The following CCDC148 variants were observed in gnomAD, a reference collection of about 807,000 sequenced individuals.
CCDC148 encodes coiled-coil domain-containing protein 148.
In CCDC148, 89 loss-of-function variants were observed where a neutral mutation model predicts 85.7. The observed-to-expected ratio is 1.04, with a 90% confidence interval of 0.87 to 1.24. The LOEUF (loss-of-function observed/expected upper bound fraction) is 1.24, where lower values mean the gene tolerates loss of function less well. CCDC148 is among the 50% of genes most tolerant of loss of function. The probability of loss-of-function intolerance (pLI) is 0.00; values close to 1 mark genes in which losing one functional copy is unlikely to be tolerated. For missense variants in CCDC148, 692 were observed against 671.7 expected (o/e 1.03, Z -0.33); for synonymous variants, 230 against 213.9 (o/e 1.08, Z -0.66).
intron 7 of CCDC148, among the ~76,000 whole-genome samples, chr2:158,315,898 C>T (rs1692257462): frequency 6.6e-6 from 1 of 152,192 alleles, no homozygotes; most frequent in South Asian, 2.1e-4. Context: ...GATACCTTTG[C>T]ACTCTGGCCT....
chr2:158,346,895 G>T (rs1367893764), intron 2 of CCDC148, among the ~76,000 whole-genome samples: 1 of 151,938 alleles, frequency 6.6e-6, no homozygotes, highest in African/African-American at 2.4e-5. Context: ...AAAATTAGGG[G>T]TATAAGAAAA....
In CCDC148 at chr2:158,171,792, C is replaced by G. The variant is rs1031300792; in HGVS notation, c.*321G>C. On this transcript the variant is annotated 3_prime_UTR_variant, in exon 14 of 14. Coordinates refer to ENST00000283233, the MANE Select transcript of CCDC148 (RefSeq NM_138803.4). ...TAGCAGCTACATAATTTATAATTCT[C>G]ACAAAGTTATTTTGAGCTCTTTTTA... 2 of 163,678 alleles carry G rather than the reference C, an allele frequency of 1.2e-5. No individual in the cohort carries two copies. The highest frequency in any genetic ancestry group is 1.3e-4 in the Admixed American group (2 of 15,538). 10.1% of individuals were successfully genotyped at this position (163,678 alleles called of 1,614,324 possible). A position where few individuals can be genotyped will look rare whatever the true frequency, so the allele number is the denominator to read the frequency against.
At chr2:158,273,547 C>A (rs990229215) in intron 9 of CCDC148, among the ~76,000 whole-genome samples, 6 of 152,258 alleles carry the variant, frequency 3.9e-5, no homozygotes, top group African/African-American at 1.4e-4. Flanking sequence ...TCCTACTATG[C>A]ATCCACTAAA....
chr2:158,377,708 T>G (rs1298535832), intron 1 of CCDC148, among the ~76,000 whole-genome samples: 1 of 152,108 alleles, frequency 6.6e-6, no homozygotes, highest in African/African-American at 2.4e-5. Flanking sequence ...AGTGCTTGCT[T>G]CATGTCTCTG....
chr2:158,434,024 G>A (rs1687511596), intron 1 of CCDC148, among the ~76,000 whole-genome samples: 1 of 152,234 alleles, frequency 6.6e-6, no homozygotes. Flanking sequence ...GCCTGCCTCT[G>A]TAGACTCCAC....
chr2:158,262,030 A>C (rs6437160), intron 9 of CCDC148, among the ~76,000 whole-genome samples: 66,264 of 151,858 alleles, frequency 0.44, 14,928 homozygotes, highest in South Asian at 0.63. Context: ...AGAGGAATAT[A>C]AATCATTCCA....
intron 1 of CCDC148, among the ~76,000 whole-genome samples, chr2:158,389,555 T>A (rs1685221569): frequency 6.6e-6 from 1 of 152,206 alleles, no homozygotes; most frequent in Non-Finnish European, 1.5e-5. Context: ...CGTCACAAAC[T>A]AATTAAAGTA....
intron 1 of CCDC148, among the ~76,000 whole-genome samples, chr2:158,414,580 A>T (rs1686411128): frequency 8.0e-5 from 1 of 12,430 alleles, no homozygotes; most frequent in African/African-American, 9.9e-5. Context: ...TTAAAAGTAT[A>T]AAAAAAAAAG....
chr2:158,347,728 T>C (rs1683064245), intron 2 of CCDC148, among the ~76,000 whole-genome samples: 1 of 152,098 alleles, frequency 6.6e-6, no homozygotes. Flanking sequence ...TACCTTGAAA[T>C]ATTACAAAAG....
In CCDC148 at chr2:158,273,110, A is replaced by G. The variant is rs1349625880; in HGVS notation, c.1111-22198T>C. Reference sequence around the variant, plus strand: ...GCTATGAAAAAAGAACCAAGAAAGGATTTTCTTTCTGTGCTACAAATTATG... The same window carrying G: ...GCTATGAAAAAAGAACCAAGAAAGGGTTTTCTTTCTGTGCTACAAATTATG... On this transcript the variant is annotated intron_variant, in intron 9 of 13. Transcript: ENST00000283233. Among the ~76,000 whole-genome samples, 4 of 152,134 alleles carry G rather than the reference A, an allele frequency of 2.6e-5. No homozygotes were observed. The East Asian group carries it at 7.7e-4, about 29-fold the overall frequency.
At chr2:158,228,743 G>A (rs1301493956) in intron 10 of CCDC148, among the ~76,000 whole-genome samples, 1 of 147,304 alleles carries the variant, frequency 6.8e-6, no homozygotes, top group Non-Finnish European at 1.5e-5. Context: ...TCACTCATAG[G>A]TGGGAATTGA....
intron 11 of CCDC148, among the ~76,000 whole-genome samples, chr2:158,201,608 C>T (rs1685968170): frequency 6.6e-6 from 1 of 152,070 alleles, no homozygotes; most frequent in Non-Finnish European, 1.5e-5. Flanking sequence ...CACAGGGTTT[C>T]ACCATGTTGC....
At chr2:158,407,260 C>T (rs777867885) in intron 1 of CCDC148, among the ~76,000 whole-genome samples, 49 of 152,158 alleles carry the variant, frequency 3.2e-4, no homozygotes, top group Admixed American at 1.3e-4. Context: ...ATGCTGCCAG[C>T]TCTCTGAACT....
At chr2:158,365,649 C>T (rs1228350387) in intron 1 of CCDC148, among the ~76,000 whole-genome samples, 1 of 152,070 alleles carries the variant, frequency 6.6e-6, no homozygotes, top group Admixed American at 6.6e-5. Context: ...CACACTGGGG[C>T]CTGTCGGGGG....
At chr2:158,320,780 T>C (rs11682905) in intron 7 of CCDC148, among the ~76,000 whole-genome samples, 52,614 of 151,924 alleles carry the variant, frequency 0.35, 9,337 homozygotes, top group African/African-American at 0.43. Context: ...GATTTTCACC[T>C]CTTCATCATA....
intron 1 of CCDC148, among the ~76,000 whole-genome samples, chr2:158,430,378 A>C (rs530335497): frequency 2.1e-3 from 327 of 152,306 alleles, no homozygotes; most frequent in Admixed American, 4.1e-3. Context: ...AAAAAGACAG[A>C]CAAATCAGGC....
intron 9 of CCDC148, among the ~76,000 whole-genome samples, chr2:158,255,903 T>C (rs928258226): frequency 3.1e-4 from 47 of 151,780 alleles, no homozygotes; most frequent in African/African-American, 1.0e-3. Context: ...GAATGAGACC[T>C]TAACCTAACA....
intron 1 of CCDC148, among the ~76,000 whole-genome samples, chr2:158,423,425 C>G (rs1451890480): frequency 1.3e-5 from 2 of 152,106 alleles, no homozygotes; most frequent in Non-Finnish European, 2.9e-5. Context: ...CATCTACAAC[C>G]ACCTGATCTT....
chr2:158,447,246 A>G (rs1403385433), intron 1 of CCDC148: 1 of 152,084 alleles, frequency 6.6e-6, no homozygotes, highest in East Asian at 1.9e-4. Context: ...TCAGCACAGG[A>G]GTTTTGACCT....
Sources: gnomAD v4.1 joint callset for allele counts (sites outside exome capture counted in the v4.1 genomes callset) on GRCh38, gnomAD v4.1.1 for gene constraint, MANE v1.5 for transcripts, NCBI Gene and HGNC (gene_info 2026-07-23, HGNC 2026-07-21) for gene names.